SHISAL2B: variants seen among roughly 807,000 people sequenced by gnomAD.
SHISAL2B encodes shisa like 2B, also known as protein shisa-like-2B.
A neutral mutation model predicts 16.5 loss-of-function variants in SHISAL2B; 12 were observed. The ratio of observed to expected loss-of-function variants is 0.73; its 90% confidence interval spans 0.47 to 1.18. The LOEUF (loss-of-function observed/expected upper bound fraction) is 1.18. Among genes scored for constraint, SHISAL2B ranks in the 50% most tolerant of loss-of-function variants. The pLI is 0.00. For missense variants in SHISAL2B, 183 were observed against 193.6 expected, an observed-to-expected ratio of 0.95 and a Z score of 0.33; for synonymous variants, 72 against 75.0, an observed-to-expected ratio of 0.96 and a Z score of 0.21.
intron 2 of SHISAL2B, among the ~76,000 whole-genome samples, chr5:64,711,344 T>C (rs1184385593): frequency 6.7e-6 from 1 of 149,646 alleles, no homozygotes; most frequent in Non-Finnish European, 1.5e-5. Context: ...TTACATTTAT[T>C]GATTTGCGTA....
At chr5:64,716,695 G>A (rs886589924) in intron 2 of SHISAL2B, among the ~76,000 whole-genome samples, 1 of 152,108 alleles carries the variant, frequency 6.6e-6, no homozygotes, top group Non-Finnish European at 1.5e-5. Flanking sequence ...TGAATAATCA[G>A]TGCAAAAGTC....
At chr5:64,696,274 G>A (rs556271087) in intron 2 of SHISAL2B, among the ~76,000 whole-genome samples, 2 of 152,064 alleles carry the variant, frequency 1.3e-5, no homozygotes, top group South Asian at 4.1e-4. Flanking sequence ...TGTTATCTTC[G>A]TAAGCTGAGA....
In SHISAL2B at chr5:64,690,735, G is replaced by T. The variant is rs750213643; in HGVS notation, c.112G>T (p.Gly38Cys). ...GEGAALQYCC[G>C]FADLKYCCSE... Reference sequence around the variant, plus strand: ...GGGGGCAGCGCTCCAGTATTGCTGCGGCTTCGCCGACCTCAAGTACTGCTG... The same window carrying T: ...GGGGGCAGCGCTCCAGTATTGCTGCTGCTTCGCCGACCTCAAGTACTGCTG... Residue 38 changes from glycine to cysteine, a missense_variant, in exon 1 of 3, where the codon GGC (glycine) becomes TGC (cysteine). Coordinates refer to ENST00000389074, the MANE Select transcript of SHISAL2B (RefSeq NM_001164442.2). The T allele has an allele frequency of 2.0e-6, 3 of 1,538,406 alleles. No individual in the cohort carries two copies. The highest frequency in any genetic ancestry group is 2.7e-5 in the African/African-American group (2 of 72,966).
intron 2 of SHISAL2B, among the ~76,000 whole-genome samples, chr5:64,709,311 G>C (rs1741919999): frequency 1.3e-5 from 2 of 151,200 alleles, no homozygotes; most frequent in East Asian, 3.9e-4. Flanking sequence ...TCTTGCGATA[G>C]TTTACTGAGA....
At chr5:64,704,912 T>C (rs1339771509) in intron 2 of SHISAL2B, among the ~76,000 whole-genome samples, 1 of 152,208 alleles carries the variant, frequency 6.6e-6, no homozygotes, top group Non-Finnish European at 1.5e-5. Flanking sequence ...TACTCTAAGT[T>C]ACCAGAGGGA....
chr5:64,696,630 G>C (rs1464356146), intron 2 of SHISAL2B, among the ~76,000 whole-genome samples: 1 of 152,108 alleles, frequency 6.6e-6, no homozygotes, highest in Admixed American at 6.5e-5. Context: ...TGTCTTATGT[G>C]GTTGAGATAA....
chr5:64,690,899 G>A, intron 1 of SHISAL2B, 85 bp downstream of exon 1: 2 of 1,206,816 alleles, frequency 1.7e-6, no homozygotes. Context: ...GGCCAGGGAG[G>A]TTCCCCCGCG....
Position 64,718,087 on chromosome 5 carries a change from G to T in SHISAL2B, c.*65G>T. On this transcript the variant is annotated 3_prime_UTR_variant, in exon 3 of 3. Transcript: ENST00000389074. ...GACAATAAAAATAAAGCGTGCACTTGAAACGGTTTGTAATATTGCTTTTCA... is the reference window on the plus strand; with the variant it reads ...GACAATAAAAATAAAGCGTGCACTTTAAACGGTTTGTAATATTGCTTTTCA... The T allele has an allele frequency of 7.4e-7, 1 of 1,353,796 alleles. No individual in the cohort carries two copies. Among genetic ancestry groups the T allele is most frequent in the Admixed American group, 3.5e-5 (1 of 28,342 alleles). 83.9% of individuals were successfully genotyped at this position (1,353,796 alleles called of 1,614,324 possible).
At chr5:64,697,075 C>T (rs991371854) in intron 2 of SHISAL2B, among the ~76,000 whole-genome samples, 2 of 152,206 alleles carry the variant, frequency 1.3e-5, no homozygotes, top group African/African-American at 4.8e-5. Flanking sequence ...TAAAATTCCT[C>T]TCTTTGTACT....
chr5:64,693,167 C>T (rs1407155148), intron 1 of SHISAL2B, among the ~76,000 whole-genome samples: 1 of 152,124 alleles, frequency 6.6e-6, no homozygotes, highest in Non-Finnish European at 1.5e-5. Flanking sequence ...GCCACCATGC[C>T]TGGCTAATTT....
chr5:64,715,290 CA>C (rs775398698), intron 2 of SHISAL2B, among the ~76,000 whole-genome samples: 160 of 140,784 alleles, frequency 1.1e-3, no homozygotes, highest in Middle Eastern at 3.6e-3. Context: ...TTAGATTCAC[CA>C]AAAAAAAAAA....
In SHISAL2B at chr5:64,717,943, C is replaced by A. The variant is rs1296173039; in HGVS notation, c.404C>A (p.Thr135Lys). The part of the protein sequence containing the change: ...ALNSNAASNA[T>K]NETYYEADDI... The stretch of plus-strand genomic sequence containing the variant: ...AATTCAAATGCAGCATCAAATGCAA[C>A]AAATGAAACATACTATGAAGCTGAT... Residue 135 changes from threonine to lysine, a missense_variant, in exon 3 of 3, where the codon ACA becomes AAA. Physicochemically the swap from Thr to Lys is moderately conservative, Grantham distance 78. Transcript: ENST00000389074. The A allele has an allele frequency of 1.3e-6, 2 of 1,521,940 alleles. No individual in the cohort carries two copies. Among genetic ancestry groups the A allele is most frequent in the East Asian group, 2.5e-5 (1 of 39,952 alleles). The allele number at this position is 1,521,940 out of a possible 1,614,324, so 94.3% of individuals were successfully genotyped here.
chr5:64,713,328 G>T, intron 2 of SHISAL2B, among the ~76,000 whole-genome samples: 1 of 121,866 alleles, frequency 8.2e-6, no homozygotes. Flanking sequence ...TGAAATTCTG[G>T]GTTGAAAATT....
intron 2 of SHISAL2B, among the ~76,000 whole-genome samples, chr5:64,708,255 GCC>G (rs1318762687): frequency 2.0e-5 from 3 of 151,994 alleles, no homozygotes; most frequent in Non-Finnish European, 4.4e-5. Flanking sequence ...ATACCAATAA[GCC>G]AAATATGTCT....
intron 2 of SHISAL2B, among the ~76,000 whole-genome samples, chr5:64,709,288 T>C (rs1741919247): frequency 6.7e-6 from 1 of 150,292 alleles, no homozygotes. Context: ...ATATGTGGTG[T>C]TTGGTTTTTT....
chr5:64,695,459 A>G lies in SHISAL2B; in HGVS notation c.192-48A>G, dbSNP rs781324277. Reference sequence around the variant, plus strand: ...TTTATGCCTTCTCTTTAGTTGAACCAGTGTGAACCACTTTGTGTGACACAT... The same window carrying G: ...TTTATGCCTTCTCTTTAGTTGAACCGGTGTGAACCACTTTGTGTGACACAT... On this transcript the variant is annotated intron_variant, in intron 1 of 2. Coordinates refer to ENST00000389074, the MANE Select transcript of SHISAL2B (RefSeq NM_001164442.2). The G allele has an allele frequency of 4.4e-6, 6 of 1,365,838 alleles. No individual in the cohort carries two copies. In the Middle Eastern group the frequency reaches 5.5e-4, roughly 125 times the overall value. The allele number at this position is 1,365,838 out of a possible 1,614,324, so 84.6% of individuals were successfully genotyped here.
intron 2 of SHISAL2B, among the ~76,000 whole-genome samples, chr5:64,698,589 C>T (rs1741769450): frequency 6.6e-6 from 1 of 152,130 alleles, no homozygotes; most frequent in Admixed American, 6.6e-5. Context: ...AGGAGCTCTC[C>T]CCTGGTTACC....
At chr5:64,712,868 C>A (rs991588839) in intron 2 of SHISAL2B, among the ~76,000 whole-genome samples, 4 of 149,588 alleles carry the variant, frequency 2.7e-5, no homozygotes, top group South Asian at 2.1e-4. Flanking sequence ...CAACCCCTGC[C>A]TTTTTTTGTT....
chr5:64,707,308 A>T (rs1741887543), intron 2 of SHISAL2B, among the ~76,000 whole-genome samples: 1 of 152,108 alleles, frequency 6.6e-6, no homozygotes, highest in African/African-American at 2.4e-5. Flanking sequence ...TCAAATACCT[A>T]TGAGTTGTGT....
Sources: allele counts gnomAD v4.1 joint callset (sites outside exome capture counted in the v4.1 genomes callset), GRCh38; gene constraint gnomAD v4.1.1; transcripts MANE v1.5; gene names NCBI Gene and HGNC (gene_info 2026-07-23, HGNC 2026-07-21).